The following CCNB3 variants were observed in gnomAD, a reference collection of about 807,000 sequenced individuals.
CCNB3 encodes cyclin B3.
Under a neutral mutation model 68.0 loss-of-function variants are expected in CCNB3, and 12 were observed. The ratio of observed to expected loss-of-function variants is 0.18; its 90% CI spans 0.11 to 0.29. The LOEUF is 0.29. Ranked by LOEUF, CCNB3 falls within the 10% of genes least tolerant of loss-of-function variation. CCNB3 has a pLI of 1.00. For missense variants in CCNB3, 904 were observed against 993.1 expected, an observed-to-expected ratio of 0.91 and a Z score of 1.21; for synonymous variants, 354 against 388.9, an observed-to-expected ratio of 0.91 and a Z score of 1.06.
chrX:50,312,561 G>A lies in CCNB3; in HGVS notation c.3352G>A (p.Glu1118Lys), dbSNP rs1557215208. Residue 1118 changes from glutamate (E) to lysine (K), a missense_variant, in exon 7 of 13, where the codon GAG becomes AAG. Around this residue, in one of 2 missense-constraint regions of CCNB3, gnomAD observed 285 missense variants for 383.4 expected, o/e 0.74. Coordinates refer to ENST00000376042, the MANE Select transcript of CCNB3 (RefSeq NM_033031.3). ...GATAACCCCACGGGAAGATATTGAT[G>A]AGGACAGCAGTGATCCAAGTTTCAA... The part of the protein sequence containing the change: ...KEITPREDID[E>K]DSSDPSFNPM... The A allele has an allele frequency of 8.3e-7, 1 of 1,204,430 alleles. No homozygotes were observed. Among genetic ancestry groups the A allele is most frequent in the Middle Eastern group, 2.3e-4 (1 of 4,327 alleles).
intron 1 of CCNB3, among the ~76,000 whole-genome samples, chrX:50,282,233 G>A (rs1222005832): frequency 9.0e-6 from 1 of 111,212 alleles, no homozygotes; most frequent in Non-Finnish European, 1.9e-5. Context: ...TCCCAGAGAG[G>A]GAAAGGGACT....
Position 50,351,449 on chromosome X carries a change from C to T in CCNB3, c.4091+78C>T, listed in dbSNP as rs1923676390. 9.7e-6 allele frequency: 11 copies of T among 1,129,121 alleles called. No individual in the cohort carries two copies. The South Asian group carries it at 1.9e-4, about 20-fold the overall frequency. 93.1% of individuals were successfully genotyped at this position (1,129,121 alleles called of 1,213,427 possible). A position where few individuals can be genotyped will look rare whatever the true frequency, so the allele number is the denominator to read the frequency against. Reference sequence around the variant, plus strand: ...TTTAAAATACTAGACCGAGACTAGCCTCACTTAAGAGAAAAAGATTCAGGC... The same window carrying T: ...TTTAAAATACTAGACCGAGACTAGCTTCACTTAAGAGAAAAAGATTCAGGC... On this transcript the variant is annotated intron_variant, in intron 12 of 12. Transcript: ENST00000376042.
intron 8 of CCNB3, among the ~76,000 whole-genome samples, chrX:50,324,537 A>G (rs1922199848): frequency 8.9e-6 from 1 of 112,338 alleles, no homozygotes. Context: ...CCTCACAAGC[A>G]GTTTTTTAAA....
At chrX:50,320,090 TTTTG>T (rs1255865071) in intron 8 of CCNB3, among the ~76,000 whole-genome samples, 4 of 111,008 alleles carry the variant, frequency 3.6e-5, no homozygotes, top group African/African-American at 1.3e-4. Context: ...TGATTGGGTT[TTTTG>T]TTTGTTTGTT....
intron 1 of CCNB3, among the ~76,000 whole-genome samples, chrX:50,226,656 T>C (rs1200302137): frequency 6.4e-5 from 4 of 62,523 alleles, no homozygotes; most frequent in Non-Finnish European, 1.1e-4. Flanking sequence ...ATAGAATATA[T>C]CTATAAATAT....
intron 1 of CCNB3, among the ~76,000 whole-genome samples, chrX:50,226,717 A>ATAT (rs1935832424): frequency 1.3e-5 from 1 of 76,324 alleles, no homozygotes; most frequent in African/African-American, 5.0e-5. Flanking sequence ...GAATATGTAC[A>ATAT]CAGAATATAC....
intron 1 of CCNB3, among the ~76,000 whole-genome samples, chrX:50,281,956 C>G (rs1293257428): frequency 9.0e-6 from 1 of 111,123 alleles, no homozygotes; most frequent in African/African-American, 3.3e-5. Flanking sequence ...CTTTGGCTTT[C>G]TCACCACCCT....
In CCNB3 at chrX:50,216,269, T is replaced by TTG. The variant is rs1185678132; in HGVS notation, c.-113+11336_-113+11337dup. Among the ~76,000 whole-genome samples, 854 of 101,684 alleles carry TTG rather than the reference T, an allele frequency of 8.4e-3. 7 individuals carry two copies. Among genetic ancestry groups the TTG allele is most frequent in the African/African-American group, 0.028 (762 of 27,102 alleles). The allele number at this position is 101,684 out of a possible 115,157, so 88.3% of individuals were successfully genotyped here. On this transcript the variant is annotated intron_variant, in intron 1 of 12. Coordinates refer to ENST00000376042, the MANE Select transcript of CCNB3 (RefSeq NM_033031.3). Reference sequence around the variant, plus strand: ...CGCCAGGCCTTGTGTGTGTGTGTGTTTGTGTGTGTGTGTGTGTGAGACAGA... The same window carrying TTG: ...CGCCAGGCCTTGTGTGTGTGTGTGTTTGTGTGTGTGTGTGTGTGTGAGACAGA...
rs1382972453 is a variant in CCNB3, at chrX:50,226,111, A to AAT, written c.-113+21172_-113+21173dup. Among the ~76,000 whole-genome samples, 360 of 79,997 alleles carry AAT rather than the reference A, an allele frequency of 4.5e-3. 7 individuals carry two copies. Among genetic ancestry groups the AAT allele is most frequent in the African/African-American group, 0.016 (340 of 21,084 alleles). The allele number at this position is 79,997 out of a possible 115,157, so 69.5% of individuals were successfully genotyped here. A position where few individuals can be genotyped will look rare whatever the true frequency, so the allele number is the denominator to read the frequency against. On this transcript the variant is annotated intron_variant, in intron 1 of 12. Transcript: ENST00000376042. ...TATGAATATATATAGAATATGTATA[A>AAT]ATATATATATATTCGATATATATAA...
At chrX:50,297,806 T>C (rs1418715758) in intron 5 of CCNB3, among the ~76,000 whole-genome samples, 1 of 111,524 alleles carries the variant, frequency 9.0e-6, no homozygotes, top group Non-Finnish European at 1.9e-5. Flanking sequence ...TTTTATTTCA[T>C]TGAGCAGTGG....
chrX:50,206,821 G>A (rs1266563283), intron 1 of CCNB3, among the ~76,000 whole-genome samples: 4 of 110,975 alleles, frequency 3.6e-5, no homozygotes, highest in Non-Finnish European at 3.8e-5. Flanking sequence ...CGGAGGCTGA[G>A]GTGGGAGGAT....
chrX:50,280,099 A>T (rs1168273855), intron 1 of CCNB3, among the ~76,000 whole-genome samples: 3 of 82,735 alleles, frequency 3.6e-5, no homozygotes, highest in Non-Finnish European at 6.7e-5. Context: ...ACATATAAAT[A>T]TATATATAGA....
At chrX:50,282,180 G>A (rs1256743554) in intron 1 of CCNB3, among the ~76,000 whole-genome samples, 1 of 111,170 alleles carries the variant, frequency 9.0e-6, no homozygotes, top group Non-Finnish European at 1.9e-5. Context: ...TAGCGAGGAG[G>A]CTCTAGTTCC....
At chrX:50,226,447 AAT>A (rs1301974493) in intron 1 of CCNB3, among the ~76,000 whole-genome samples, 5 of 48,703 alleles carry the variant, frequency 1.0e-4, no homozygotes, top group Non-Finnish European at 1.8e-4. Context: ...ATATATATAG[AAT>A]ATATATAAAT....
Position 50,339,536 on chromosome X carries a change from G to A in CCNB3, c.3517-2666G>A, listed in dbSNP as rs1172386943. ...TTTTCTTTTGCAGAGGCTTGGCTAG[G>A]TATGATGGCTCATGCCTGTAATCCC... is the stretch of plus-strand genomic sequence containing the variant. On this transcript the variant is annotated intron_variant, in intron 8 of 12. Transcript: ENST00000376042. Among the ~76,000 whole-genome samples, 4 of 111,998 alleles carry A rather than the reference G, an allele frequency of 3.6e-5. No individual in the cohort carries two copies. In the Admixed American group the frequency reaches 3.8e-4, roughly 11 times the overall value.
chrX:50,324,206 T>C (rs112297595), intron 8 of CCNB3, among the ~76,000 whole-genome samples: 5,907 of 111,091 alleles, frequency 0.053, 364 homozygotes, highest in African/African-American at 0.18. Flanking sequence ...CACTACTGCC[T>C]GGCTAATTTT....
At chrX:50,211,700 G>T (rs1392674739) in intron 1 of CCNB3, among the ~76,000 whole-genome samples, 1 of 111,142 alleles carries the variant, frequency 9.0e-6, no homozygotes, top group African/African-American at 3.3e-5. Context: ...TCGGGGTAAT[G>T]ACTTCATGTG....
At chrX:50,306,690 A>G (rs1164712788) in intron 5 of CCNB3, among the ~76,000 whole-genome samples, 2 of 111,714 alleles carry the variant, frequency 1.8e-5, no homozygotes, top group Admixed American at 1.9e-4. Flanking sequence ...AGAGGGTTAG[A>G]TTTAGTCAAA....
intron 3 of CCNB3, among the ~76,000 whole-genome samples, chrX:50,286,669 G>A (rs1357735305): frequency 3.7e-5 from 2 of 53,672 alleles, no homozygotes; most frequent in Non-Finnish European, 6.6e-5. Flanking sequence ...TGTTTTTTTT[G>A]AGACGTAGTC....
Sources: allele counts gnomAD v4.1 joint callset (sites outside exome capture counted in the v4.1 genomes callset), GRCh38; gene constraint gnomAD v4.1.1; regional missense constraint gnomAD v4.1.1; transcripts MANE v1.5; gene names NCBI Gene and HGNC (gene_info 2026-07-23, HGNC 2026-07-21).